ATG16L1: variants seen among roughly 807,000 people sequenced by gnomAD.
ATG16L1 encodes autophagy related 16 like 1, also known as autophagy-related protein 16-1.
A neutral mutation model predicts 88.5 loss-of-function variants in ATG16L1; 37 were observed. The observed-to-expected ratio is 0.42, with a 90% confidence interval of 0.32 to 0.55. The LOEUF (loss-of-function observed/expected upper bound fraction) is 0.55, where lower values mean the gene tolerates loss of function less well. Ranked by LOEUF, ATG16L1 falls within the 20% of genes least tolerant of loss-of-function variation. The pLI is 0.13. For synonymous variants in ATG16L1, 301 were observed against 281.0 expected (o/e 1.07, Z -0.71); for missense variants, 554 against 752.8 (o/e 0.74, Z 3.09).
rs916195624 is a variant in ATG16L1, at chr2:233,251,727, T to C, written c.-101T>C. The C allele has an allele frequency of 5.8e-5, 61 of 1,048,360 alleles. No individual in the cohort carries two copies. The highest frequency in any genetic ancestry group is 7.6e-5 in the Non-Finnish European group (53 of 701,270). 64.9% of individuals were successfully genotyped at this position (1,048,360 alleles called of 1,614,324 possible). A position where few individuals can be genotyped will look rare whatever the true frequency, so the allele number is the denominator to read the frequency against. On this transcript the variant is annotated 5_prime_UTR_variant, in exon 1 of 18. Coordinates refer to ENST00000392017, the MANE Select transcript of ATG16L1 (RefSeq NM_030803.7). ...CAGTGTGTGGAGGTGAGCTCCGGGATTGCCGGCATTCCCGCTTCTGCTGGT... is the reference window on the plus strand; with the variant it reads ...CAGTGTGTGGAGGTGAGCTCCGGGACTGCCGGCATTCCCGCTTCTGCTGGT...
At chr2:233,289,003 G>A in intron 12 of ATG16L1, 1 of 456,560 alleles carries the variant, frequency 2.2e-6, no homozygotes, top group Non-Finnish European at 4.5e-6. Context: ...GTTTCCTTTT[G>A]TAAATTATGC....
chr2:233,289,408 T>TGTGA (rs144316394), intron 12 of ATG16L1, among the ~76,000 whole-genome samples: 3 of 149,536 alleles, frequency 2.0e-5, no homozygotes, highest in African/African-American at 7.5e-5. Context: ...TGTGTGTGTG[T>TGTGA]GACAGGATCT....
At chr2:233,264,476 A>C (rs185277806) in intron 4 of ATG16L1, among the ~76,000 whole-genome samples, 8 of 152,252 alleles carry the variant, frequency 5.3e-5, no homozygotes, top group Admixed American at 5.2e-4. Context: ...AGACAAGATA[A>C]ATGGGGACTC....
At chr2:233,293,427 T>G (rs555054151) in intron 17 of ATG16L1, 70 bp downstream of exon 17, 2 of 1,415,840 alleles carry the variant, frequency 1.4e-6, no homozygotes, top group African/African-American at 2.8e-5. Context: ...TCAGGGGTCA[T>G]CCGGTTTAGA....
chr2:233,288,812 C>T (rs1226731866), intron 12 of ATG16L1: 1 of 519,104 alleles, frequency 1.9e-6, no homozygotes, highest in African/African-American at 1.9e-5. Context: ...CGTGATGTCC[C>T]TCATTCTGTG....
chr2:233,274,250 A>G, intron 8 of ATG16L1: 1 of 565,104 alleles, frequency 1.8e-6, no homozygotes, highest in East Asian at 2.8e-5. Context: ...TTCTTTTGGC[A>G]TGCGTTAGAC....
intron 2 of ATG16L1, among the ~76,000 whole-genome samples, chr2:233,257,239 C>G (rs1459578597): frequency 6.6e-6 from 1 of 151,982 alleles, no homozygotes; most frequent in Non-Finnish European, 1.5e-5. Context: ...CCGTGTTAGC[C>G]AGGATGGTCT....
At position 233,264,903 on chromosome 2, in the gene ATG16L1, G is replaced by C; in HGVS notation, c.401G>C (p.Cys134Ser). The stretch of plus-strand genomic sequence containing the variant: ...TGTCATGCTTCCAGAATTGCAGAAT[G>C]TTTGCAGACTATCTCTGACCTGGAG... ...MQMNEAKIAECLQTISDLETE... is the reference protein window; with the variant it reads ...MQMNEAKIAESLQTISDLETE... Residue 134 changes from cysteine (C) to serine (S), a missense_variant, in exon 5 of 18, where the codon TGT (cysteine) becomes TCT (serine). Physicochemically the swap from Cys to Ser is moderately radical, Grantham distance 112. Coordinates refer to ENST00000392017, the MANE Select transcript of ATG16L1 (RefSeq NM_030803.7). 6.2e-7 allele frequency: 1 copy of C among 1,613,954 alleles called. No individual in the cohort carries two copies. Among genetic ancestry groups the C allele is most frequent in the African/African-American group, 1.3e-5 (1 of 75,048 alleles).
Position 233,272,967 on chromosome 2 carries a change from G to T in ATG16L1, c.709G>T (p.Asp237Tyr), listed in dbSNP as rs184757241. The change falls in exon 7 of 18, where the codon GAT (aspartate) becomes TAT (tyrosine). Residue 237 changes from aspartate (D) to tyrosine (Y), a missense_variant and splice_region_variant. By Grantham distance (160) the Asp-to-Tyr change is radical. This residue lies in a region of ATG16L1 where 370 missense variants were observed against 509.7 expected (regional missense o/e 0.73). Transcript: ENST00000392017. ...AAKEPLPVEQ[D>Y]DDIEVIVDET... ...AGAATGTCTTGCCTTTCTTTCCAGG[G>T]ATGATGACATTGAGGTCATTGTGGA... is the stretch of plus-strand genomic sequence containing the variant. 2 of 1,613,558 alleles carry T rather than the reference G, an allele frequency of 1.2e-6. No homozygotes were observed. Among genetic ancestry groups the T allele is most frequent in the East Asian group, 4.5e-5 (2 of 44,876 alleles).
At chr2:233,273,204 G>T in intron 7 of ATG16L1, 152 bp downstream of exon 7, 1 of 611,504 alleles carries the variant, frequency 1.6e-6, no homozygotes, top group Non-Finnish European at 2.9e-6. Context: ...GAGGTGTCCA[G>T]TCTTTCTCAG....
chr2:233,261,848 T>C (rs1391558971), intron 2 of ATG16L1, among the ~76,000 whole-genome samples: 1 of 152,232 alleles, frequency 6.6e-6, no homozygotes, highest in African/African-American at 2.4e-5. Flanking sequence ...TGCAAACACT[T>C]GGCAAAGATT....
chr2:233,263,078 T>C (rs1574851721), intron 2 of ATG16L1, 52 bp from the exon 3 acceptor site: 8 of 1,496,948 alleles, frequency 5.3e-6, no homozygotes, highest in Admixed American at 1.7e-5. Flanking sequence ...GTCTCATTTT[T>C]CCCCCTCCGT....
rs1255805986 is a variant in ATG16L1 at position 233,272,919 on chromosome 2, A to G, written c.708-47A>G. The G allele has an allele frequency of 3.9e-6, 6 of 1,541,148 alleles. No individual in the cohort carries two copies. The East Asian group carries it at 1.1e-4, about 29-fold the overall frequency. On this transcript the variant is annotated intron_variant, in intron 6 of 17. Coordinates refer to ENST00000392017, the MANE Select transcript of ATG16L1 (RefSeq NM_030803.7). ...TTAGCATTTGCGGAACCGATTAATC[A>G]CAGAACTGTTCAGGAGAATCAAAGA...
intron 5 of ATG16L1, 82 bp from the exon 6 acceptor site, chr2:233,269,920 C>G (rs923442834): frequency 1.4e-6 from 2 of 1,384,936 alleles, no homozygotes; most frequent in African/African-American, 3.0e-5. Flanking sequence ...GTTATTAGAA[C>G]TGGTGGCTTC....
chr2:233,290,436 T>G, intron 14 of ATG16L1, 83 bp downstream of exon 14: 1 of 1,115,116 alleles, frequency 9.0e-7, no homozygotes, highest in Non-Finnish European at 1.4e-6. Flanking sequence ...TTTTAAGATC[T>G]CAGGACATGG....
At chr2:233,292,055 T>C (rs1484332294) in intron 14 of ATG16L1, 73 bp from the exon 15 acceptor site, 6 of 1,557,584 alleles carry the variant, frequency 3.9e-6, no homozygotes, top group Non-Finnish European at 3.5e-6. Context: ...GCAGTGCCTT[T>C]TTTTTCCTCC....
At chr2:233,268,502 G>A (rs906927527) in intron 5 of ATG16L1, among the ~76,000 whole-genome samples, 1 of 152,162 alleles carries the variant, frequency 6.6e-6, no homozygotes, top group Non-Finnish European at 1.5e-5. Context: ...ATGAATCCCT[G>A]ATAACAGGTG....
intron 17 of ATG16L1, 43 bp downstream of exon 17, chr2:233,293,400 A>G: frequency 6.4e-7 from 1 of 1,562,788 alleles, no homozygotes; most frequent in Non-Finnish European, 8.8e-7. Flanking sequence ...GTTGTGAGCA[A>G]GGCCTTTGAC....
chr2:233,260,367 G>C (rs1481085198), intron 2 of ATG16L1, among the ~76,000 whole-genome samples: 2 of 152,188 alleles, frequency 1.3e-5, no homozygotes, highest in African/African-American at 4.8e-5. Context: ...CTCTGGGGGT[G>C]GGGCCTGGTA....
Sources: gnomAD v4.1 joint callset for allele counts (sites outside exome capture counted in the v4.1 genomes callset) on GRCh38, gnomAD v4.1.1 for gene constraint, gnomAD v4.1.1 regional missense constraint, MANE v1.5 for transcripts, NCBI Gene and HGNC (gene_info 2026-07-23, HGNC 2026-07-21) for gene names.